PIGN: variants seen among roughly 807,000 people sequenced by gnomAD.
PIGN encodes the protein GPI ethanolamine phosphate transferase 1.
PIGN carries 117 observed loss-of-function variants against 125.4 expected under a neutral mutation model. The ratio of observed to expected loss-of-function variants is 0.93; its 90% confidence interval spans 0.80 to 1.09. PIGN has a LOEUF of 1.09. Ranked by LOEUF, PIGN falls within the 50% of genes least tolerant of loss-of-function variation. PIGN has a pLI of 0.00. For missense variants in PIGN, 1,075 were observed against 1,094.9 expected (o/e 0.98, Z 0.26); for synonymous variants, 392 against 377.8 (o/e 1.04, Z -0.44).
intron 16 of PIGN, chr18:62,112,756 A>G (rs1381798331): frequency 4.7e-6 from 1 of 212,494 alleles, no homozygotes; most frequent in Non-Finnish European, 9.2e-6. Context: ...CAAACTTTTA[A>G]TATCAAATAA....
chr18:62,148,940 A>T, intron 7 of PIGN, among the ~76,000 whole-genome samples: 1 of 152,182 alleles, frequency 6.6e-6, no homozygotes, highest in East Asian at 1.9e-4. Flanking sequence ...TTTGAAGATT[A>T]TTATGCTAAT....
intron 28 of PIGN, among the ~76,000 whole-genome samples, chr18:62,079,676 A>T (rs2033352314): frequency 6.6e-6 from 1 of 151,880 alleles, no homozygotes; most frequent in Non-Finnish European, 1.5e-5. Flanking sequence ...GTAATATCTG[A>T]TCTAGGTGAA....
chr18:62,023,120 A>G (rs1358791389), intron 23 of PIGN, among the ~76,000 whole-genome samples: 1 of 152,074 alleles, frequency 6.6e-6, no homozygotes, highest in Non-Finnish European at 1.5e-5. Flanking sequence ...GAACCTACGG[A>G]TATGAAGGAT....
At chr18:62,127,608 C>CG (rs1388810532) in intron 14 of PIGN, among the ~76,000 whole-genome samples, 4 of 152,040 alleles carry the variant, frequency 2.6e-5, no homozygotes, top group Non-Finnish European at 5.9e-5. Context: ...TAACTGTGAG[C>CG]GGGTAGTCAT....
At position 62,161,153 on chromosome 18, in the gene PIGN, G is replaced by A; in HGVS notation, c.201C>T (p.Asn67=). Residue 67 remains asparagine, a synonymous_variant, in exon 4 of 31, where the codon AAC becomes AAT. Coordinates refer to ENST00000640252, the MANE Select transcript of PIGN (RefSeq NM_176787.5). ...CTTACCTAATAAACGGTGCTCTAGA[G>A]TTTCCATTTTCATCTAATTCGTAAA... The part of the protein sequence containing the change: ...DALYELDENG[N]SRAPFIRNII... The A allele has an allele frequency of 6.2e-7, 1 of 1,611,934 alleles. No homozygotes were observed. Among genetic ancestry groups the A allele is most frequent in the Non-Finnish European group, 8.5e-7 (1 of 1,178,080 alleles).
intron 1 of PIGN, among the ~76,000 whole-genome samples, chr18:62,165,360 G>C (rs1407021925): frequency 6.6e-6 from 1 of 152,134 alleles, no homozygotes. Context: ...ACATTACCCA[G>C]TTTCAGGTAT....
chr18:62,101,120 G>T lies in PIGN; in HGVS notation c.2032C>A (p.Gln678Lys). 6.2e-7 allele frequency: 1 copy of T among 1,611,802 alleles called. No individual in the cohort carries two copies. Among genetic ancestry groups the T allele is most frequent in the Non-Finnish European group, 8.5e-7 (1 of 1,178,310 alleles). ...YSTQSSLLRKQGLPLMNQIIS... is the reference protein window; with the variant it reads ...YSTQSSLLRKKGLPLMNQIIS... Reference sequence around the variant, plus strand: ...ATTTGATTCATGAGAGGCAGTCCTTGCTTCCTGAGTAGACTACTCTGAGTG... The same window carrying T: ...ATTTGATTCATGAGAGGCAGTCCTTTCTTCCTGAGTAGACTACTCTGAGTG... Residue 678 changes from glutamine to lysine, a missense_variant, in exon 22 of 31, where the codon CAA becomes AAA. Coordinates refer to ENST00000640252, the MANE Select transcript of PIGN (RefSeq NM_176787.5).
intron 23 of PIGN, among the ~76,000 whole-genome samples, chr18:62,031,622 C>T (rs540394283): frequency 6.6e-6 from 1 of 152,256 alleles, no homozygotes; most frequent in Non-Finnish European, 1.5e-5. Flanking sequence ...ACCATCCTCC[C>T]CAAACATGCA....
intron 2 of PIGN, among the ~76,000 whole-genome samples, chr18:62,162,743 A>G (rs1199677593): frequency 6.6e-6 from 1 of 152,140 alleles, no homozygotes; most frequent in Non-Finnish European, 1.5e-5. Context: ...GTCATATAGC[A>G]TATTCCCTCC....
At position 62,041,648 on chromosome 18, in the gene PIGN, T is replaced by G. The variant is rs1321944116; in HGVS notation, c.*4208A>C. 38 of 110,764 alleles carry G rather than the reference T, an allele frequency of 3.4e-4. No homozygotes were observed. The highest frequency in any genetic ancestry group is 3.8e-4 in the Non-Finnish European group (19 of 50,442). 6.9% of individuals were successfully genotyped at this position (110,764 alleles called of 1,614,324 possible). On this transcript the variant is annotated 3_prime_UTR_variant, in exon 31 of 31. Coordinates refer to ENST00000640252, the MANE Select transcript of PIGN (RefSeq NM_176787.5). Reference sequence around the variant, plus strand: ...AGCCTACCACCCCGCCGGGTGTGTGTGTGTGTGTGTGTGTGTGTGTGTGTG... The same window carrying G: ...AGCCTACCACCCCGCCGGGTGTGTGGGTGTGTGTGTGTGTGTGTGTGTGTG...
In PIGN at chr18:62,044,189, A is replaced by G. The variant is rs2030497350; in HGVS notation, c.*1667T>C. On this transcript the variant is annotated 3_prime_UTR_variant, in exon 31 of 31. Coordinates refer to ENST00000640252, the MANE Select transcript of PIGN (RefSeq NM_176787.5). ...ATTAAGAAAAAGATATGCCTCAAAG[A>G]GCAAAATAAAGAAAGATAAAAAAAC... 2 of 152,208 alleles carry G rather than the reference A, an allele frequency of 1.3e-5. No homozygotes were observed. Among genetic ancestry groups the G allele is most frequent in the African/African-American group, 2.4e-5 (1 of 41,462 alleles). 9.4% of individuals were successfully genotyped at this position (152,208 alleles called of 1,614,324 possible). A position where few individuals can be genotyped will look rare whatever the true frequency, so the allele number is the denominator to read the frequency against.
intron 7 of PIGN, among the ~76,000 whole-genome samples, chr18:62,151,629 G>T (rs1311599568): frequency 1.3e-5 from 2 of 152,180 alleles, no homozygotes; most frequent in Non-Finnish European, 2.9e-5. Flanking sequence ...ATTAAACACT[G>T]CACTTGACCT....
intron 6 of PIGN, among the ~76,000 whole-genome samples, chr18:62,155,977 G>T (rs1451423780): frequency 1.3e-5 from 2 of 152,038 alleles, no homozygotes; most frequent in African/African-American, 4.8e-5. Flanking sequence ...TTTGCTTCCT[G>T]GACACATAAT....
Position 62,146,256 on chromosome 18 carries a change from C to T in PIGN, c.806-231G>A, listed in dbSNP as rs547521208. On this transcript the variant is annotated intron_variant, in intron 9 of 30. Coordinates refer to ENST00000640252, the MANE Select transcript of PIGN (RefSeq NM_176787.5). The stretch of plus-strand genomic sequence containing the variant: ...TAAAGTAAAACAAAAAACCAGACTG[C>T]CTGCTGAGTAACTATGGTTGAAAGA... 2.6e-5 allele frequency among the ~76,000 whole-genome samples: 4 copies of T among 152,198 alleles called. No homozygotes were observed. In the South Asian group the frequency reaches 8.3e-4, roughly 32 times the overall value.
At chr18:62,026,334 A>C (rs1229832994) in intron 23 of PIGN, among the ~76,000 whole-genome samples, 1 of 152,218 alleles carries the variant, frequency 6.6e-6, no homozygotes, top group Non-Finnish European at 1.5e-5. Context: ...CAGAAAAAAA[A>C]AAGAACGGAG....
intron 22 of PIGN, among the ~76,000 whole-genome samples, chr18:62,097,797 T>C (rs1213009144): frequency 6.6e-6 from 1 of 151,954 alleles, no homozygotes; most frequent in African/African-American, 2.4e-5. Context: ...GACTTCACCA[T>C]GCATGAGAGA....
intron 22 of PIGN, among the ~76,000 whole-genome samples, chr18:62,097,498 T>C (rs971274165): frequency 6.7e-6 from 1 of 150,070 alleles, no homozygotes; most frequent in African/African-American, 2.5e-5. Context: ...AGTTCAACTA[T>C]TGTGGAAGTC....
chr18:62,119,563 G>C (rs1460059155), intron 14 of PIGN, among the ~76,000 whole-genome samples: 1 of 151,778 alleles, frequency 6.6e-6, no homozygotes, highest in Non-Finnish European at 1.5e-5. Flanking sequence ...CCTTGCCTGG[G>C]CTGGGTGCGA....
chr18:62,068,407 ACTCAAATTTG>A (rs1426073569), intron 30 of PIGN, among the ~76,000 whole-genome samples: 16 of 151,720 alleles, frequency 1.1e-4, no homozygotes, highest in African/African-American at 3.6e-4. Flanking sequence ...AATTTGTTGA[ACTCAAATTTG>A]CTGATAGTCC....
Sources: gnomAD v4.1 joint callset for allele counts (sites outside exome capture counted in the v4.1 genomes callset) on GRCh38, gnomAD v4.1.1 for gene constraint, MANE v1.5 for transcripts, NCBI Gene and HGNC (gene_info 2026-07-23, HGNC 2026-07-21) for gene names.